Variants in THAP12 observed in about 807,000 individuals in gnomAD.
The protein encoded by THAP12 is 52 kDa repressor of the inhibitor of the protein kinase.
THAP12 carries 20 observed loss-of-function variants against 63.0 expected under a neutral mutation model. That is an observed-to-expected ratio of 0.32 (90% confidence interval 0.22 to 0.46). The LOEUF (loss-of-function observed/expected upper bound fraction) is 0.46, where lower values mean the gene tolerates loss of function less well. THAP12 is among the 20% of genes least tolerant of loss of function. THAP12 has a pLI of 1.00. For missense variants in THAP12, 568 were observed against 908.2 expected, an observed-to-expected ratio of 0.63 and a Z score of 4.81; for synonymous variants, 264 against 328.4, an observed-to-expected ratio of 0.80 and a Z score of 2.12.
intron 1 of THAP12, among the ~76,000 whole-genome samples, chr11:76,376,407 A>C (rs905994264): frequency 2.0e-5 from 3 of 152,324 alleles, no homozygotes; most frequent in Middle Eastern, 3.4e-3. Flanking sequence ...AGGACCTCCA[A>C]GGCCTCAATT....
At chr11:76,360,009 T>A (rs927654740) in intron 3 of THAP12, among the ~76,000 whole-genome samples, 2 of 152,112 alleles carry the variant, frequency 1.3e-5, no homozygotes, top group Non-Finnish European at 2.9e-5. Context: ...AACAGCCTCA[T>A]GTAAACTTGT....
chr11:76,378,730 G>A (rs543605830), intron 1 of THAP12, among the ~76,000 whole-genome samples: 13 of 152,090 alleles, frequency 8.5e-5, no homozygotes, highest in Non-Finnish European at 1.8e-4. Flanking sequence ...TCACGTCTTG[G>A]CCTCCTGAGT....
chr11:76,360,623 G>A (rs1262568998), intron 3 of THAP12, among the ~76,000 whole-genome samples: 1 of 151,998 alleles, frequency 6.6e-6, no homozygotes, highest in African/African-American at 2.4e-5. Context: ...GCTGAACTCT[G>A]GAAACACCTC....
intron 3 of THAP12, among the ~76,000 whole-genome samples, chr11:76,360,104 GAA>G (rs887236855): frequency 6.6e-6 from 1 of 152,092 alleles, no homozygotes; most frequent in African/African-American, 2.4e-5. Flanking sequence ...TCTATAAGGA[GAA>G]AAAGTTATTA....
chr11:76,352,610 G>A lies in THAP12; in HGVS notation c.540C>T (p.Asn180=). The A allele has an allele frequency of 6.2e-7, 1 of 1,611,966 alleles. No homozygotes were observed. The highest frequency in any genetic ancestry group is 1.3e-5 in the African/African-American group (1 of 75,002). ...CAGCCTCATGTCCATCCAGAGGTAT[G>A]TTTTGCTTTCCCATCAGAATCAAGA... ...FEILILMGKQ[N]IPLDGHEADE... is the part of the protein sequence containing the mutation. The change falls in exon 5 of 5, where the codon AAC becomes AAT. Residue 180 remains asparagine, a synonymous_variant. Transcript: ENST00000260045.
Position 76,375,638 on chromosome 11 carries a change from T to C in THAP12, c.89+5110A>G, listed in dbSNP as rs1051869293. On this transcript the variant is annotated intron_variant, in intron 1 of 4. Transcript: ENST00000260045. ...TGGGAAATGTACTGTTTTAATAGCA[T>C]TAAATATATTCATCTTTATTGTTTG... is the stretch of plus-strand genomic sequence containing the variant. Among the ~76,000 whole-genome samples, 5 of 151,564 alleles carry C rather than the reference T, an allele frequency of 3.3e-5. No homozygotes were observed. The Admixed American group carries it at 3.3e-4, about 10-fold the overall frequency.
intron 3 of THAP12, chr11:76,357,272 A>G (rs1946567844): frequency 6.6e-6 from 1 of 152,218 alleles, no homozygotes; most frequent in African/African-American, 2.4e-5. Context: ...CTCTGAGGGA[A>G]GCTCCTGGAA....
At chr11:76,370,344 A>G (rs569854795) in intron 1 of THAP12, among the ~76,000 whole-genome samples, 2 of 150,164 alleles carry the variant, frequency 1.3e-5, no homozygotes, top group African/African-American at 4.8e-5. Flanking sequence ...ATCATTTGTG[A>G]TCTTCTGTGC....
intron 1 of THAP12, among the ~76,000 whole-genome samples, chr11:76,374,314 A>T (rs1946693884): frequency 6.6e-6 from 1 of 152,118 alleles, no homozygotes; most frequent in Admixed American, 6.6e-5. Flanking sequence ...GTAAAACCAT[A>T]AATTGGTCAT....
At chr11:76,361,111 T>C (rs1364540527) in intron 2 of THAP12, 48 bp from the exon 3 acceptor site, 1 of 1,198,562 alleles carries the variant, frequency 8.3e-7, no homozygotes, top group East Asian at 2.3e-5. Flanking sequence ...TATAAATATA[T>C]TACACATCAA....
chr11:76,379,473 TC>T (rs1485362114), intron 1 of THAP12, among the ~76,000 whole-genome samples: 1 of 152,130 alleles, frequency 6.6e-6, no homozygotes, highest in Non-Finnish European at 1.5e-5. Flanking sequence ...CACACACCTT[TC>T]TGGTCTCATC....
chr11:76,350,828 A>G lies in THAP12; in HGVS notation c.*36T>C, dbSNP rs771333038. ...TACACCTTACGGCTTTTTCTTCCAA[A>G]TATCAAATATAAGAAAGCCTATTTT... On this transcript the variant is annotated 3_prime_UTR_variant, in exon 5 of 5. Coordinates refer to ENST00000260045, the MANE Select transcript of THAP12 (RefSeq NM_004705.4). 5.4e-6 allele frequency: 8 copies of G among 1,492,624 alleles called. No individual in the cohort carries two copies. The African/African-American group carries it at 7.0e-5, about 13-fold the overall frequency. 92.5% of individuals were successfully genotyped at this position (1,492,624 alleles called of 1,614,324 possible).
chr11:76,353,733 G>C (rs1246459922), intron 4 of THAP12, among the ~76,000 whole-genome samples: 1 of 152,252 alleles, frequency 6.6e-6, no homozygotes, highest in East Asian at 1.9e-4. Flanking sequence ...CTAGGGCCGG[G>C]GGTGCAGTGG....
At chr11:76,371,658 T>C (rs1318107081) in intron 1 of THAP12, among the ~76,000 whole-genome samples, 2 of 151,846 alleles carry the variant, frequency 1.3e-5, no homozygotes, top group Non-Finnish European at 2.9e-5. Flanking sequence ...TGCATCCACT[T>C]ATCTTGTTGT....
At chr11:76,355,741 T>C in intron 3 of THAP12, 87 bp from the exon 4 acceptor site, 2 of 1,060,060 alleles carry the variant, frequency 1.9e-6, no homozygotes, top group Admixed American at 2.9e-5. Flanking sequence ...CAAATACAAA[T>C]GCCTATTCTG....
Position 76,380,917 on chromosome 11 carries a change from G to C in THAP12, c.-81C>G, listed in dbSNP as rs557635816. ...CCGCCCGCCCGTCGGGGCCGGGGAG[G>C]GGAGCCAGGCCGGCCGGCCGGCTCG... On this transcript the variant is annotated 5_prime_UTR_variant, in exon 1 of 5. Transcript: ENST00000260045. 8 of 941,822 alleles carry C rather than the reference G, an allele frequency of 8.5e-6. No individual in the cohort carries two copies. 58.3% of individuals were successfully genotyped at this position (941,822 alleles called of 1,614,324 possible). A position where few individuals can be genotyped will look rare whatever the true frequency, so the allele number is the denominator to read the frequency against.
chr11:76,371,796 C>CA (rs978866727), intron 1 of THAP12, among the ~76,000 whole-genome samples: 53 of 142,532 alleles, frequency 3.7e-4, no homozygotes, highest in Non-Finnish European at 7.1e-4. Flanking sequence ...GATTTTATTT[C>CA]ATTTTTAACT....
At chr11:76,360,277 A>C (rs1248226690) in intron 3 of THAP12, among the ~76,000 whole-genome samples, 2 of 152,338 alleles carry the variant, frequency 1.3e-5, no homozygotes, top group Middle Eastern at 3.4e-3. Context: ...CATGGACACC[A>C]ACTGGTAGGG....
In THAP12 at chr11:76,352,416, C is replaced by T. The variant is rs376072117; in HGVS notation, c.734G>A (p.Cys245Tyr). 5 of 1,611,700 alleles carry T rather than the reference C, an allele frequency of 3.1e-6. No homozygotes were observed. The African/African-American group carries it at 6.7e-5, about 22-fold the overall frequency. The change falls in exon 5 of 5, where the codon TGT becomes TAT. Residue 245 changes from cysteine to tyrosine, a missense_variant. Coordinates refer to ENST00000260045, the MANE Select transcript of THAP12 (RefSeq NM_004705.4). ...QRQMLEICESCIREETLREVR... is the reference protein window; with the variant it reads ...QRQMLEICESYIREETLREVR... ...TTCCCTGAGAGTTTCTTCTCGAATA[C>T]AGCTCTCACAGATCTCTAGCATCTG...
Sources: gnomAD v4.1 joint callset for allele counts (sites outside exome capture counted in the v4.1 genomes callset) on GRCh38, gnomAD v4.1.1 for gene constraint, MANE v1.5 for transcripts, NCBI Gene and HGNC (gene_info 2026-07-23, HGNC 2026-07-21) for gene names.